The following IKZF3 variants were observed in gnomAD, a reference collection of about 807,000 sequenced individuals.
IKZF3 encodes zinc finger protein Aiolos.
IKZF3 carries 10 observed loss-of-function variants against 49.0 expected under a neutral mutation model. The observed-to-expected ratio is 0.20, with a 90% confidence interval of 0.13 to 0.35. The LOEUF is 0.35. IKZF3 is among the 10% of genes least tolerant of loss of function. IKZF3 has a pLI of 1.00. For missense variants in IKZF3, 498 were observed against 664.8 expected (o/e 0.75, Z 2.76); for synonymous variants, 209 against 228.2 (o/e 0.92, Z 0.76).
chr17:39,767,229 A>T (rs1259456254), intron 7 of IKZF3, among the ~76,000 whole-genome samples: 1 of 152,024 alleles, frequency 6.6e-6, no homozygotes, highest in Non-Finnish European at 1.5e-5. Flanking sequence ...TACACATGTG[A>T]TCATTAGGGC....
chr17:39,834,189 C>T (rs1598152964), intron 1 of IKZF3, among the ~76,000 whole-genome samples: 1 of 152,112 alleles, frequency 6.6e-6, no homozygotes, highest in East Asian at 1.9e-4. Context: ...TTTCATGTCT[C>T]TTGAGTCAAT....
intron 3 of IKZF3, among the ~76,000 whole-genome samples, chr17:39,814,721 C>G (rs1368873405): frequency 3.9e-5 from 6 of 152,036 alleles, no homozygotes; most frequent in African/African-American, 1.4e-4. Context: ...TGGAAGTCAC[C>G]AGAAGCCAGA....
chr17:39,863,201 A>T (rs948570433), intron 1 of IKZF3, among the ~76,000 whole-genome samples: 5 of 152,172 alleles, frequency 3.3e-5, no homozygotes, highest in Non-Finnish European at 7.4e-5. Context: ...AGCCCTAATT[A>T]AAAAAATTAA....
intron 3 of IKZF3, among the ~76,000 whole-genome samples, chr17:39,803,797 G>A (rs1000106607): frequency 6.6e-6 from 1 of 152,104 alleles, no homozygotes; most frequent in African/African-American, 2.4e-5. Context: ...ACAGGCGTGA[G>A]CCACCGCGCC....
rs1407830325 is a variant in IKZF3, at chr17:39,764,783, A to G, written c.*1007T>C. The G allele has an allele frequency of 6.6e-6, 1 of 152,086 alleles. No homozygotes were observed. 9.4% of individuals were successfully genotyped at this position (152,086 alleles called of 1,614,324 possible). ...GAGCTCAACTCCGATCTAAACACAC[A>G]TGCCATCTATCTCCAATTCCTCTCC... On this transcript the variant is annotated 3_prime_UTR_variant, in exon 8 of 8. Transcript: ENST00000346872.
At chr17:39,807,387 A>T (rs1010753656) in intron 3 of IKZF3, among the ~76,000 whole-genome samples, 13 of 151,454 alleles carry the variant, frequency 8.6e-5, no homozygotes, top group Non-Finnish European at 1.5e-4. Context: ...GTACTATATA[A>T]ATACAATGAT....
intron 5 of IKZF3, among the ~76,000 whole-genome samples, chr17:39,790,348 AT>A (rs71355416): frequency 0.093 from 14,083 of 152,090 alleles, 1,338 homozygotes; most frequent in African/African-American, 0.25. Context: ...AACTATTCTA[AT>A]TTTTTTCGAA....
At chr17:39,828,858 G>A (rs1407363827) in intron 3 of IKZF3, among the ~76,000 whole-genome samples, 3 of 151,946 alleles carry the variant, frequency 2.0e-5, no homozygotes, top group South Asian at 2.1e-4. Flanking sequence ...AAAATTAGCC[G>A]GGCATGGTGG....
intron 1 of IKZF3, among the ~76,000 whole-genome samples, chr17:39,849,772 C>T (rs938934189): frequency 1.3e-5 from 2 of 151,968 alleles, no homozygotes; most frequent in African/African-American, 4.8e-5. Flanking sequence ...TGTAATTACT[C>T]ATCAGGAAAA....
chr17:39,823,391 T>C (rs557812394), intron 3 of IKZF3, among the ~76,000 whole-genome samples: 3 of 152,268 alleles, frequency 2.0e-5, no homozygotes, highest in South Asian at 2.1e-4. Context: ...CATAAAAGTT[T>C]GGAAAATTTG....
At chr17:39,829,585 C>T in intron 2 of IKZF3, 97 bp from the exon 3 acceptor site, 1 of 807,930 alleles carries the variant, frequency 1.2e-6, no homozygotes, top group Non-Finnish European at 2.0e-6. Flanking sequence ...CAGCTTCACA[C>T]AATCCTTTAG....
Position 39,832,135 on chromosome 17 carries a change from C to T in IKZF3, c.24G>A (p.Ala8=), listed in dbSNP as rs766553687. 46 of 1,611,698 alleles carry T rather than the reference C, an allele frequency of 2.9e-5. No individual in the cohort carries two copies. Among genetic ancestry groups the T allele is most frequent in the East Asian group, 1.1e-4 (5 of 44,788 alleles). Residue 8 remains alanine, a synonymous_variant, in exon 2 of 8, where the codon GCG becomes GCA. Coordinates refer to ENST00000346872, the MANE Select transcript of IKZF3 (RefSeq NM_012481.5). ...ACTGCTCCTGAGTGCTTTTCAGTTC[C>T]GCATTTGTTTGTATATCTGAAAAGA... MEDIQTN[A]ELKSTQEQSV...
chr17:39,844,397 A>G lies in IKZF3; in HGVS notation c.8-12246T>C, dbSNP rs555307358. Among the ~76,000 whole-genome samples, 4 of 152,188 alleles carry G rather than the reference A, an allele frequency of 2.6e-5. No individual in the cohort carries two copies. The East Asian group carries it at 7.7e-4, about 29-fold the overall frequency. ...CATGCTCCTGCCTCAAGGCCTTTGC[A>G]TTTACCCTTCCCCCTGACTATAATG... is the stretch of plus-strand genomic sequence containing the variant. On this transcript the variant is annotated intron_variant, in intron 1 of 7. Coordinates refer to ENST00000346872, the MANE Select transcript of IKZF3 (RefSeq NM_012481.5).
intron 1 of IKZF3, among the ~76,000 whole-genome samples, chr17:39,855,347 T>C (rs762820431): frequency 2.0e-5 from 3 of 152,224 alleles, no homozygotes; most frequent in East Asian, 3.8e-4. Context: ...TCAAGTCTCA[T>C]TGTGTAGAGT....
intron 3 of IKZF3, among the ~76,000 whole-genome samples, chr17:39,806,121 G>A (rs191918472): frequency 3.9e-5 from 6 of 152,278 alleles, no homozygotes; most frequent in Non-Finnish European, 8.8e-5. Context: ...TGTGACCTCA[G>A]CAAGTAATTT....
intron 7 of IKZF3, among the ~76,000 whole-genome samples, chr17:39,771,858 G>GC (rs1222933867): frequency 6.6e-6 from 1 of 151,874 alleles, no homozygotes; most frequent in East Asian, 1.9e-4. Flanking sequence ...TCCCACCTCA[G>GC]CCCCCTAAGT....
At chr17:39,816,434 T>C (rs1433155949) in intron 3 of IKZF3, among the ~76,000 whole-genome samples, 1 of 152,190 alleles carries the variant, frequency 6.6e-6, no homozygotes, top group Non-Finnish European at 1.5e-5. Context: ...GCAGGTCAAA[T>C]CCAACCCACT....
intron 1 of IKZF3, among the ~76,000 whole-genome samples, chr17:39,837,565 C>A (rs1263447559): frequency 6.6e-6 from 1 of 151,758 alleles, no homozygotes; most frequent in Non-Finnish European, 1.5e-5. Flanking sequence ...TAAACCACCA[C>A]ACCTGGCCCA....
chr17:39,855,220 TATAAACGGTGTCCTGTTG>T (rs1353106156), intron 1 of IKZF3, among the ~76,000 whole-genome samples: 1 of 152,090 alleles, frequency 6.6e-6, no homozygotes, highest in African/African-American at 2.4e-5. Flanking sequence ...AAGATTTTGG[TATAAACGGTGTCCTGTTG>T]CAAAAAAAAC....
Sources: allele counts gnomAD v4.1 joint callset (sites outside exome capture counted in the v4.1 genomes callset), GRCh38; gene constraint gnomAD v4.1.1; transcripts MANE v1.5; gene names NCBI Gene and HGNC (gene_info 2026-07-23, HGNC 2026-07-21).